WHRN: variants seen among roughly 807,000 people sequenced by gnomAD.
WHRN encodes whirlin.
A neutral mutation model predicts 68.3 loss-of-function variants in WHRN; 41 were observed. The ratio of observed to expected loss-of-function variants is 0.60; its 90% CI spans 0.47 to 0.78. The LOEUF (loss-of-function observed/expected upper bound fraction) is 0.78. WHRN is among the 30% of genes least tolerant of loss of function. The pLI, the probability that WHRN is intolerant of heterozygous loss-of-function variation, is 0.00. For synonymous variants in WHRN, 560 were observed against 561.3 expected (o/e 1.00, Z 0.03); for missense variants, 1,243 against 1,244.7 (o/e 1.00, Z 0.02).
chr9:114,440,061 C>A (rs1192333968), intron 3 of WHRN, among the ~76,000 whole-genome samples: 3 of 152,146 alleles, frequency 2.0e-5, no homozygotes, highest in African/African-American at 4.8e-5. Context: ...TACAGGCATG[C>A]GCCAACATGC....
At chr9:114,417,875 C>G (rs1835932922) in intron 7 of WHRN, among the ~76,000 whole-genome samples, 1 of 152,218 alleles carries the variant, frequency 6.6e-6, no homozygotes, top group Non-Finnish European at 1.5e-5. Flanking sequence ...TTTCCAGCAC[C>G]TCCTGATGCA....
intron 2 of WHRN, among the ~76,000 whole-genome samples, chr9:114,475,850 G>A (rs972124710): frequency 3.3e-5 from 5 of 152,258 alleles, no homozygotes; most frequent in African/African-American, 1.2e-4. Flanking sequence ...GGGTAGATGC[G>A]CCAGTCTGGG....
At chr9:114,456,223 T>A (rs140298527) in intron 3 of WHRN, among the ~76,000 whole-genome samples, 118 of 152,064 alleles carry the variant, frequency 7.8e-4, no homozygotes, top group African/African-American at 2.7e-3. Flanking sequence ...TAACTCTGCA[T>A]TTGTCAAATT....
rs1202695903 is a variant in WHRN, at chr9:114,504,548, G to A, written c.254C>T (p.Pro85Leu). Residue 85 changes from proline (P) to leucine (L), a missense_variant, in exon 1 of 12, where the codon CCG becomes CTG. Transcript: ENST00000362057. The stretch of plus-strand genomic sequence containing the variant: ...CATGGGCAGCAGGCGCCGCTTGACC[G>A]GACTGTCCAGCAGCACGCGCAGGGT... ...VRTLRVLLDSPVKRRLLPMLR... is the reference protein window; with the variant it reads ...VRTLRVLLDSLVKRRLLPMLR... 1.2e-6 allele frequency: 2 copies of A among 1,610,912 alleles called. No individual in the cohort carries two copies. The highest frequency in any genetic ancestry group is 1.3e-5 in the African/African-American group (1 of 74,930).
chr9:114,439,988 T>C (rs1488707505), intron 3 of WHRN, among the ~76,000 whole-genome samples: 3 of 152,296 alleles, frequency 2.0e-5, no homozygotes, highest in East Asian at 1.9e-4. Flanking sequence ...TCTCAGCTCA[T>C]TGCAACCTCC....
At chr9:114,482,352 C>T in intron 1 of WHRN, among the ~76,000 whole-genome samples, 1 of 152,208 alleles carries the variant, frequency 6.6e-6, no homozygotes, top group East Asian at 1.9e-4. Flanking sequence ...AGGTCAGGAA[C>T]AGAGGAGTGC....
At chr9:114,408,056 G>T in intron 7 of WHRN, 38 bp from the exon 8 acceptor site, 1 of 1,528,884 alleles carries the variant, frequency 6.5e-7, no homozygotes, top group Non-Finnish European at 8.9e-7. Context: ...GCAAACAGAA[G>T]CTGAGAAGGG....
At position 114,472,578 on chromosome 9, in the gene WHRN, A is replaced by G. The variant is rs565077268; in HGVS notation, c.837+5975T>C. Among the ~76,000 whole-genome samples, 6 of 152,054 alleles carry G rather than the reference A, an allele frequency of 3.9e-5. No homozygotes were observed. The South Asian group carries it at 1.2e-3, about 32-fold the overall frequency. On this transcript the variant is annotated intron_variant, in intron 2 of 11. Coordinates refer to ENST00000362057, the MANE Select transcript of WHRN (RefSeq NM_015404.4). ...TTGCTTGGTTCTCCCTCATTTTACA[A>G]TAGACTGTATATTATTTCTTTTCAT...
chr9:114,459,607 G>A (rs1840083247), intron 3 of WHRN, among the ~76,000 whole-genome samples: 1 of 152,192 alleles, frequency 6.6e-6, no homozygotes, highest in Admixed American at 6.5e-5. Flanking sequence ...GACCCTGGCA[G>A]AAGCCAGTAC....
At chr9:114,485,960 G>A (rs1186189622) in intron 1 of WHRN, among the ~76,000 whole-genome samples, 2 of 152,142 alleles carry the variant, frequency 1.3e-5, no homozygotes, top group African/African-American at 4.8e-5. Context: ...ACTACGGTGA[G>A]CTATGATCGA....
rs1452354749 is a variant in WHRN, at chr9:114,412,612, G to A, written c.1627-4594C>T. Among the ~76,000 whole-genome samples, 6 of 152,232 alleles carry A rather than the reference G, an allele frequency of 3.9e-5. No individual in the cohort carries two copies. The East Asian group carries it at 1.2e-3, about 29-fold the overall frequency. On this transcript the variant is annotated intron_variant, in intron 7 of 11. Coordinates refer to ENST00000362057, the MANE Select transcript of WHRN (RefSeq NM_015404.4). ...ACCTGCTTCCCATAAGAGCCAAGAT[G>A]ACCTGCTGTCATTGTTCTTCCACCT...
chr9:114,409,661 ATG>A (rs1835288455), intron 7 of WHRN, among the ~76,000 whole-genome samples: 1 of 151,606 alleles, frequency 6.6e-6, no homozygotes, highest in Non-Finnish European at 1.5e-5. Context: ...AACACCACGG[ATG>A]TGTCAGCCTT....
At chr9:114,499,190 C>T (rs1564239366) in intron 1 of WHRN, among the ~76,000 whole-genome samples, 1 of 152,208 alleles carries the variant, frequency 6.6e-6, no homozygotes, top group African/African-American at 2.4e-5. Flanking sequence ...CTGCAGCTGA[C>T]ATCAGGAATG....
chr9:114,474,647 C>T (rs1841503306), intron 2 of WHRN, among the ~76,000 whole-genome samples: 1 of 152,170 alleles, frequency 6.6e-6, no homozygotes, highest in Admixed American at 6.5e-5. Flanking sequence ...AAGCCTTCCC[C>T]AATTTCTCTA....
intron 3 of WHRN, among the ~76,000 whole-genome samples, chr9:114,445,244 G>A (rs1039456318): frequency 6.6e-6 from 1 of 152,048 alleles, no homozygotes. Flanking sequence ...GTTTCACCAT[G>A]TTGCCCAGGC....
chr9:114,472,550 T>C (rs1236023306), intron 2 of WHRN, among the ~76,000 whole-genome samples: 3 of 152,150 alleles, frequency 2.0e-5, no homozygotes. Flanking sequence ...CCATGCCCTT[T>C]CCTTGCTTGG....
chr9:114,452,069 C>T (rs1839386091), intron 3 of WHRN, among the ~76,000 whole-genome samples: 1 of 152,122 alleles, frequency 6.6e-6, no homozygotes, highest in South Asian at 2.1e-4. Flanking sequence ...GACTGCTCAC[C>T]CTAATGACTT....
At chr9:114,450,864 C>T (rs1839267628) in intron 3 of WHRN, among the ~76,000 whole-genome samples, 1 of 151,122 alleles carries the variant, frequency 6.6e-6, no homozygotes, top group Non-Finnish European at 1.5e-5. Context: ...TGAGATACAG[C>T]TTTAGTCATA....
rs770254247 is a variant in WHRN, at chr9:114,403,947, ACTC to A, written c.2364_2366del (p.Arg788del). 6 of 1,604,324 alleles carry A rather than the reference ACTC, an allele frequency of 3.7e-6. No homozygotes were observed. Among genetic ancestry groups the A allele is most frequent in the Non-Finnish European group, 5.1e-6 (6 of 1,177,744 alleles). On this transcript the variant is annotated inframe_deletion, in exon 10 of 12. Transcript: ENST00000362057. Reference sequence around the variant, plus strand: ...TCTCGTTCCGAGGCAGCTCCTTGCTACTCCTGCTCTTGGTGGACACCGACTGCC... The same window carrying A: ...TCTCGTTCCGAGGCAGCTCCTTGCTACTGCTCTTGGTGGACACCGACTGCC...
Sources: gnomAD v4.1 joint callset for allele counts (sites outside exome capture counted in the v4.1 genomes callset) on GRCh38, gnomAD v4.1.1 for gene constraint, MANE v1.5 for transcripts, NCBI Gene and HGNC (gene_info 2026-07-23, HGNC 2026-07-21) for gene names.